Variants in MGMT observed in about 807,000 individuals in gnomAD.
MGMT encodes O-6-methylguanine-DNA methyltransferase, also known as methylated-DNA--protein-cysteine methyltransferase.
MGMT carries 14 observed loss-of-function variants against 15.9 expected under a neutral mutation model. That is an observed-to-expected ratio of 0.88 (90% confidence interval 0.58 to 1.37). MGMT has a LOEUF of 1.37. MGMT is among the 40% of genes most tolerant of loss of function. The probability of loss-of-function intolerance (pLI) is 0.00; values close to 1 mark genes in which losing one functional copy is unlikely to be tolerated. For missense variants in MGMT, 282 were observed against 268.1 expected (o/e 1.05, Z -0.36); for synonymous variants, 130 against 118.2 (o/e 1.10, Z -0.65).
intron 2 of MGMT, among the ~76,000 whole-genome samples, chr10:129,650,563 T>C (rs984592639): frequency 6.6e-6 from 1 of 152,166 alleles, no homozygotes; most frequent in Non-Finnish European, 1.5e-5. Flanking sequence ...TTTGTTCTTT[T>C]TGCGAGGAAG....
intron 2 of MGMT, among the ~76,000 whole-genome samples, chr10:129,688,741 A>C (rs1312425717): frequency 6.6e-6 from 1 of 152,188 alleles, no homozygotes; most frequent in Admixed American, 6.5e-5. Context: ...ACAAAAGCCA[A>C]AATTGACAAA....
rs143985265 is a variant in MGMT, at chr10:129,554,920, C to A, written c.125+18543C>A. ...CTCTACTTTACAGCTATAAAGTGGA[C>A]AAATCACTTCACTCCATGCCTCAGT... On this transcript the variant is annotated intron_variant, in intron 2 of 4. Coordinates refer to ENST00000651593, the MANE Select transcript of MGMT (RefSeq NM_002412.5). 1.3e-3 allele frequency among the ~76,000 whole-genome samples: 192 copies of A among 152,250 alleles called. 1 individual carries two copies. Among genetic ancestry groups the A allele is most frequent in the Non-Finnish European group, 2.2e-3 (150 of 68,020 alleles).
rs1165151286 is a variant in MGMT at position 129,767,971 on chromosome 10, C to T, written c.*974C>T. ...TCCTAGCTGTATAATTAACTATATC[C>T]AAAAGCCGGAAGGGAAACCTGTAGC... On this transcript the variant is annotated 3_prime_UTR_variant, in exon 5 of 5. Coordinates refer to ENST00000651593, the MANE Select transcript of MGMT (RefSeq NM_002412.5). The T allele has an allele frequency of 6.6e-6, 1 of 152,172 alleles. No homozygotes were observed. Among genetic ancestry groups the T allele is most frequent in the Non-Finnish European group, 1.5e-5 (1 of 68,036 alleles). 9.4% of individuals were successfully genotyped at this position (152,172 alleles called of 1,614,324 possible).
intron 1 of MGMT, among the ~76,000 whole-genome samples, chr10:129,468,843 C>T (rs1018728262): frequency 2.0e-5 from 3 of 152,102 alleles, no homozygotes; most frequent in Admixed American, 6.6e-5. Flanking sequence ...CGAGATTGCG[C>T]CATTGCACTC....
At chr10:129,514,441 T>C (rs1460551482) in intron 1 of MGMT, among the ~76,000 whole-genome samples, 1 of 151,610 alleles carries the variant, frequency 6.6e-6, no homozygotes, top group Non-Finnish European at 1.5e-5. Flanking sequence ...CCGTGTATAT[T>C]AGAAGTATTT....
rs1226721811 is a variant in MGMT, at chr10:129,659,956, G to A, written c.126-47939G>A. ...TTAGTAGATGCTGGAAGATGAGGCC[G>A]TGTTTTCTCTTTCATCACCCGTGCA... On this transcript the variant is annotated intron_variant, in intron 2 of 4. Coordinates refer to ENST00000651593, the MANE Select transcript of MGMT (RefSeq NM_002412.5). This position sits in a 1 kb window ranked among gnomAD's most constrained non-coding sequence, Gnocchi z 4.1. 2.0e-5 allele frequency among the ~76,000 whole-genome samples: 3 copies of A among 152,144 alleles called. No homozygotes were observed. Among genetic ancestry groups the A allele is most frequent in the South Asian group, 2.1e-4 (1 of 4,828 alleles).
At chr10:129,694,551 T>C (rs1848008440) in intron 2 of MGMT, among the ~76,000 whole-genome samples, 1 of 152,212 alleles carries the variant, frequency 6.6e-6, no homozygotes, top group South Asian at 2.1e-4. Context: ...AAGGGAATCT[T>C]AATTGGCTAG....
Position 129,645,118 on chromosome 10 carries a change from C to CTTTTTTTTTT in MGMT, c.126-62767_126-62758dup, listed in dbSNP as rs10606297. ...ATGTACTAAATCAAGCCTGAAAGCC[C>CTTTTTTTTTT]TTTTTTTTTTTTTTTTTTTGAGATG... On this transcript the variant is annotated intron_variant, in intron 2 of 4. Coordinates refer to ENST00000651593, the MANE Select transcript of MGMT (RefSeq NM_002412.5). Among the ~76,000 whole-genome samples the CTTTTTTTTTT allele has an allele frequency of 6.6e-5, 8 of 121,936 alleles. 1 individual carries two copies. The highest frequency in any genetic ancestry group is 1.0e-4 in the Non-Finnish European group (6 of 59,512). The allele number at this position is 121,936 out of a possible 152,430, so 80.0% of individuals were successfully genotyped here. A position where few individuals can be genotyped will look rare whatever the true frequency, so the allele number is the denominator to read the frequency against.
At chr10:129,620,862 A>G (rs1193831731) in intron 2 of MGMT, among the ~76,000 whole-genome samples, 1 of 151,910 alleles carries the variant, frequency 6.6e-6, no homozygotes, top group Non-Finnish European at 1.5e-5. Flanking sequence ...TTTATTCTTC[A>G]TTCCTGTTTT....
chr10:129,559,245 C>A (rs1377310376), intron 2 of MGMT, among the ~76,000 whole-genome samples: 1 of 152,050 alleles, frequency 6.6e-6, no homozygotes, highest in African/African-American at 2.4e-5. Flanking sequence ...GTACACCACA[C>A]GTCCAATATT....
intron 1 of MGMT, among the ~76,000 whole-genome samples, chr10:129,469,118 C>T (rs944162053): frequency 6.6e-6 from 1 of 152,088 alleles, no homozygotes; most frequent in Non-Finnish European, 1.5e-5. Context: ...TCAATCAGGG[C>T]CTCCTCTGTC....
chr10:129,502,395 C>T (rs1845583182), intron 1 of MGMT, among the ~76,000 whole-genome samples: 1 of 151,936 alleles, frequency 6.6e-6, no homozygotes, highest in African/African-American at 2.4e-5. Flanking sequence ...ACGTTGCGTT[C>T]CTACCCAGCT....
At chr10:129,719,718 C>CT (rs1173468518) in intron 3 of MGMT, among the ~76,000 whole-genome samples, 1 of 152,166 alleles carries the variant, frequency 6.6e-6, no homozygotes, top group African/African-American at 2.4e-5. Context: ...AAGACCCCAT[C>CT]TGCTGATACA....
At chr10:129,567,360 C>G (rs1449374022) in intron 2 of MGMT, among the ~76,000 whole-genome samples, 1 of 152,120 alleles carries the variant, frequency 6.6e-6, no homozygotes, top group Non-Finnish European at 1.5e-5. Flanking sequence ...ACAGACCCCC[C>G]CAGAGAGCCA....
chr10:129,604,603 G>A (rs1846864975), intron 2 of MGMT, among the ~76,000 whole-genome samples: 1 of 151,396 alleles, frequency 6.6e-6, no homozygotes, highest in African/African-American at 2.4e-5. Context: ...ACACGTGGAG[G>A]AGCCACTCTC....
intron 2 of MGMT, among the ~76,000 whole-genome samples, chr10:129,667,362 A>G (rs746116246): frequency 1.4e-4 from 22 of 152,220 alleles, no homozygotes; most frequent in Non-Finnish European, 2.5e-4. Context: ...TTAACTGTAC[A>G]TATAATAAAT....
At chr10:129,605,822 C>T (rs1331376839) in intron 2 of MGMT, among the ~76,000 whole-genome samples, 1 of 152,014 alleles carries the variant, frequency 6.6e-6, no homozygotes, top group African/African-American at 2.4e-5. Context: ...CTGGTATGTG[C>T]TTGCGTGGCC....
chr10:129,619,978 G>T (rs567581611), intron 2 of MGMT, among the ~76,000 whole-genome samples: 1 of 152,120 alleles, frequency 6.6e-6, no homozygotes, highest in Non-Finnish European at 1.5e-5. Context: ...GAAGCAGTGG[G>T]TCCCACTGAA....
chr10:129,721,706 T>C (rs1848373551), intron 3 of MGMT, among the ~76,000 whole-genome samples: 1 of 152,172 alleles, frequency 6.6e-6, no homozygotes, highest in African/African-American at 2.4e-5. Context: ...GGGCAGACTT[T>C]GATAAATTAT....
Sources: allele counts gnomAD v4.1 joint callset (sites outside exome capture counted in the v4.1 genomes callset), GRCh38; gene constraint gnomAD v4.1.1; non-coding constraint Gnocchi (gnomAD v3.1); transcripts MANE v1.5; gene names NCBI Gene and HGNC (gene_info 2026-07-23, HGNC 2026-07-21).